The following SLC29A3 variants were observed in gnomAD, a reference collection of about 807,000 sequenced individuals.
The protein encoded by SLC29A3 is solute carrier family 29 member 3.
A neutral mutation model predicts 25.4 loss-of-function variants in SLC29A3; 18 were observed. The ratio of observed to expected loss-of-function variants is 0.71; its 90% CI spans 0.49 to 1.05. SLC29A3 has a LOEUF of 1.05. Ranked by LOEUF, SLC29A3 falls within the 50% of genes least tolerant of loss-of-function variation. The pLI is 0.00. For synonymous variants in SLC29A3, 258 were observed against 267.1 expected, an observed-to-expected ratio of 0.97 and a Z score of 0.33; for missense variants, 586 against 609.0, an observed-to-expected ratio of 0.96 and a Z score of 0.40.
chr10:71,360,971 G>A (rs149440043), intron 5 of SLC29A3, among the ~76,000 whole-genome samples: 270 of 152,306 alleles, frequency 1.8e-3, no homozygotes, highest in Non-Finnish European at 2.8e-3. Flanking sequence ...GTTAGTATAA[G>A]GCATTTATAT....
chr10:71,362,862 C>T lies in SLC29A3; in HGVS notation c.*254C>T. On this transcript the variant is annotated 3_prime_UTR_variant, in exon 6 of 6. Coordinates refer to ENST00000373189, the MANE Select transcript of SLC29A3 (RefSeq NM_018344.6). ...AGAAATAGCACAAATCAGGGGTACT[C>T]CCTTCACAGCTGATGGTTAACATTC... is the stretch of plus-strand genomic sequence containing the variant. 1.5e-6 allele frequency: 1 copy of T among 663,564 alleles called. No homozygotes were observed. Among genetic ancestry groups the T allele is most frequent in the African/African-American group, 1.8e-5 (1 of 56,606 alleles). 41.1% of individuals were successfully genotyped at this position (663,564 alleles called of 1,614,324 possible).
chr10:71,340,832 C>T lies in SLC29A3; in HGVS notation c.301-3377C>T, dbSNP rs183577994. Among the ~76,000 whole-genome samples the T allele has an allele frequency of 2.6e-4, 39 of 152,270 alleles. No homozygotes were observed. In the East Asian group the frequency reaches 7.5e-3, roughly 29 times the overall value. On this transcript the variant is annotated intron_variant, in intron 2 of 5. Coordinates refer to ENST00000373189, the MANE Select transcript of SLC29A3 (RefSeq NM_018344.6). Reference sequence around the variant, plus strand: ...TCAAGAGTGGAACGTAGACCTTCGCCGCTGGTTTCTTAGGAAGGCAGTGCT... The same window carrying T: ...TCAAGAGTGGAACGTAGACCTTCGCTGCTGGTTTCTTAGGAAGGCAGTGCT...
downstream of SLC29A3, among the ~76,000 whole-genome samples, chr10:71,367,331 A>C (rs554155250): frequency 6.6e-6 from 1 of 152,306 alleles, no homozygotes; most frequent in African/African-American, 2.4e-5. Flanking sequence ...GACATGAGAC[A>C]GAGCTTTAGA....
intron 2 of SLC29A3, among the ~76,000 whole-genome samples, chr10:71,341,298 G>A (rs1475500842): frequency 6.6e-6 from 1 of 152,224 alleles, no homozygotes; most frequent in African/African-American, 2.4e-5. Flanking sequence ...AGGGGACCAA[G>A]GTGAGTTACC....
intron 3 of SLC29A3, among the ~76,000 whole-genome samples, chr10:71,347,032 T>C (rs1173915469): frequency 6.6e-6 from 1 of 152,126 alleles, no homozygotes; most frequent in East Asian, 1.9e-4. Context: ...TCCTAGGCTC[T>C]AGGAGAGGGG....
At chr10:71,319,654 T>TG (rs1228812237) in intron 1 of SLC29A3, 5 of 290,470 alleles carry the variant, frequency 1.7e-5, no homozygotes, top group Non-Finnish European at 3.2e-5. Flanking sequence ...GGCCTGAGGC[T>TG]GGGGCTGTTT....
intron 2 of SLC29A3, among the ~76,000 whole-genome samples, chr10:71,340,775 A>G (rs2131821570): frequency 6.6e-6 from 1 of 152,338 alleles, no homozygotes; most frequent in East Asian, 1.9e-4. Context: ...CCCAGGAGGG[A>G]CATGCCAGCT....
chr10:71,320,811 G>A (rs896921134), intron 1 of SLC29A3, among the ~76,000 whole-genome samples: 2 of 152,194 alleles, frequency 1.3e-5, no homozygotes, highest in South Asian at 2.1e-4. Context: ...TGCCTGCAGT[G>A]TGCCTGGGCC....
chr10:71,326,449 G>A lies in SLC29A3; in HGVS notation c.300+3395G>A, dbSNP rs374410906. On this transcript the variant is annotated intron_variant, in intron 2 of 5. Transcript: ENST00000373189. ...CATTTCCACAGGCGCAGGCTTAGCC[G>A]GGGTGCTTTACAATCCGCTTTTATT... Among the ~76,000 whole-genome samples, 13 of 152,200 alleles carry A rather than the reference G, an allele frequency of 8.5e-5. 1 individual carries two copies. The East Asian group carries it at 1.3e-3, about 16-fold the overall frequency.
intron 3 of SLC29A3, among the ~76,000 whole-genome samples, chr10:71,369,262 G>C: frequency 6.6e-6 from 1 of 152,224 alleles, no homozygotes; most frequent in East Asian, 1.9e-4. Context: ...CCCAGGCTAT[G>C]ATATTTTTGT....
intron 4 of SLC29A3, among the ~76,000 whole-genome samples, chr10:71,354,102 G>T (rs374011618): frequency 1.2e-3 from 177 of 152,326 alleles, no homozygotes; most frequent in Non-Finnish European, 9.0e-4. Flanking sequence ...CTGCTTTGAT[G>T]TGGGAAGCAC....
chr10:71,361,650 A>G (rs1025409979), intron 5 of SLC29A3, among the ~76,000 whole-genome samples: 21 of 152,264 alleles, frequency 1.4e-4, no homozygotes, highest in African/African-American at 4.8e-4. Context: ...CTCCTAAAAT[A>G]TAACAAAAAC....
In SLC29A3 at chr10:71,322,845, C is replaced by G. The variant is rs1845881332; in HGVS notation, c.91C>G (p.Leu31Val). 6.2e-7 allele frequency: 1 copy of G among 1,614,122 alleles called. No homozygotes were observed. Among genetic ancestry groups the G allele is most frequent in the African/African-American group, 1.3e-5 (1 of 74,942 alleles). ...CAGTCTCCGAGCTGACCAGGAGGCACTGCTTGAGAAGCTGCTGGACCGCCC... is the reference window on the plus strand; with the variant it reads ...CAGTCTCCGAGCTGACCAGGAGGCAGTGCTTGAGAAGCTGCTGGACCGCCC... ...SSSLRADQEA[L>V]LEKLLDRPPP... Residue 31 changes from leucine to valine, a missense_variant, in exon 2 of 6, where the codon CTG (leucine) becomes GTG (valine). By Grantham distance (32) the Leu-to-Val change is conservative. Transcript: ENST00000373189.
rs372043723 is a variant in SLC29A3 at position 71,331,139 on chromosome 10, A to T, written c.300+8085A>T. On this transcript the variant is annotated intron_variant, in intron 2 of 5. Transcript: ENST00000373189. ...GTTTCATGAAGCTGCGTCTGTACTT[A>T]AAAAAAGAAAACTCCACTCTGACTG... 1.4e-3 allele frequency among the ~76,000 whole-genome samples: 220 copies of T among 152,246 alleles called. 1 individual carries two copies. Among genetic ancestry groups the T allele is most frequent in the African/African-American group, 5.1e-3 (210 of 41,544 alleles).
rs1847119394 is a variant in SLC29A3, at chr10:71,363,315, C to A, written c.*707C>A. ...CTATGGCCTGGGTCAAGATGAGGGTCTTTCAGTGTTCCTGTTTACAACATG... is the reference window on the plus strand; with the variant it reads ...CTATGGCCTGGGTCAAGATGAGGGTATTTCAGTGTTCCTGTTTACAACATG... On this transcript the variant is annotated 3_prime_UTR_variant, in exon 6 of 6. Transcript: ENST00000373189. 1 of 453,752 alleles carries A rather than the reference C, an allele frequency of 2.2e-6. No homozygotes were observed. Among genetic ancestry groups the A allele is most frequent in the African/African-American group, 2.0e-5 (1 of 49,980 alleles). The allele number at this position is 453,752 out of a possible 1,614,324, so 28.1% of individuals were successfully genotyped here. A position where few individuals can be genotyped will look rare whatever the true frequency, so the allele number is the denominator to read the frequency against.
rs536278399 is a variant in SLC29A3 at position 71,332,718 on chromosome 10, A to G, written c.300+9664A>G. On this transcript the variant is annotated intron_variant, in intron 2 of 5. Coordinates refer to ENST00000373189, the MANE Select transcript of SLC29A3 (RefSeq NM_018344.6). ...AGAACCAAAAGTGAGTCATTTTTTA[A>G]AATCCCCTTGTCCACCCTCTGATTC... is the stretch of plus-strand genomic sequence containing the variant. Among the ~76,000 whole-genome samples the G allele has an allele frequency of 3.3e-5, 5 of 152,266 alleles. No individual in the cohort carries two copies. In the South Asian group the frequency reaches 1.0e-3, roughly 32 times the overall value.
At chr10:71,372,389 T>C (rs933767923) in intron 3 of SLC29A3, among the ~76,000 whole-genome samples, 1 of 152,170 alleles carries the variant, frequency 6.6e-6, no homozygotes, top group African/African-American at 2.4e-5. Flanking sequence ...ACTCCAAGAC[T>C]CAAGTGCCTG....
At chr10:71,370,753 A>C (rs952367422) in intron 3 of SLC29A3, among the ~76,000 whole-genome samples, 1 of 152,128 alleles carries the variant, frequency 6.6e-6, no homozygotes, top group Admixed American at 6.5e-5. Flanking sequence ...TTGGTGAGAA[A>C]AGTGCCATTG....
intron 3 of SLC29A3, among the ~76,000 whole-genome samples, chr10:71,371,253 C>T (rs1241990538): frequency 6.6e-6 from 1 of 152,208 alleles, no homozygotes; most frequent in Non-Finnish European, 1.5e-5. Context: ...GATGTGAGGT[C>T]CTCTTCCCAG....
Sources: allele counts gnomAD v4.1 joint callset (sites outside exome capture counted in the v4.1 genomes callset), GRCh38; gene constraint gnomAD v4.1.1; transcripts MANE v1.5; gene names NCBI Gene and HGNC (gene_info 2026-07-23, HGNC 2026-07-21).